The following SOX5 variants were observed in gnomAD, a reference collection of about 807,000 sequenced individuals.
The protein encoded by SOX5 is transcription factor SOX-5.
Under a neutral mutation model 92.0 loss-of-function variants are expected in SOX5, and 9 were observed. The ratio of observed to expected loss-of-function variants is 0.10; its 90% confidence interval spans 0.06 to 0.17. SOX5 has a LOEUF of 0.17. Among genes scored for constraint, SOX5 ranks in the 10% least tolerant of loss-of-function variants. SOX5 has a pLI of 1.00. For synonymous variants in SOX5, 344 were observed against 336.3 expected (o/e 1.02, Z -0.25); for missense variants, 642 against 944.5 (o/e 0.68, Z 4.20).
chr12:23,928,896 C>A (rs1940722428), intron 1 of SOX5, among the ~76,000 whole-genome samples: 1 of 151,774 alleles, frequency 6.6e-6, no homozygotes, highest in Non-Finnish European at 1.5e-5. Flanking sequence ...TTTTTATTAT[C>A]CACTACTATG....
At chr12:24,366,706 C>A (rs1158211188) in intron 2 of SOX5, among the ~76,000 whole-genome samples, 2 of 151,994 alleles carry the variant, frequency 1.3e-5, no homozygotes, top group Admixed American at 6.5e-5. Flanking sequence ...TTGACCTTTC[C>A]TATCTAGTGT....
intron 6 of SOX5, among the ~76,000 whole-genome samples, chr12:23,711,193 T>A (rs1450789685): frequency 6.6e-6 from 1 of 152,226 alleles, no homozygotes; most frequent in East Asian, 1.9e-4. Context: ...CATATTAGTT[T>A]GTCACTTTAA....
chr12:23,787,746 C>T (rs1169086966), intron 3 of SOX5, among the ~76,000 whole-genome samples: 1 of 151,834 alleles, frequency 6.6e-6, no homozygotes, highest in Non-Finnish European at 1.5e-5. Flanking sequence ...GAGACTTCAA[C>T]TTAGTATAGG....
intron 1 of SOX5, among the ~76,000 whole-genome samples, chr12:24,519,039 TC>T (rs1348525723): frequency 6.6e-6 from 1 of 152,106 alleles, no homozygotes; most frequent in Non-Finnish European, 1.5e-5. Flanking sequence ...TTAAAAAAAA[TC>T]TTTATTTTGG....
Position 23,541,963 on chromosome 12 carries a change from A to G in SOX5, c.1771+1248T>C, listed in dbSNP as rs148119107. On this transcript the variant is annotated intron_variant, in intron 13 of 14. Transcript: ENST00000451604. ...CTCTCTCTGCGAAAATACAAAAGTT[A>G]GTTGGGCATGGTGTCCCGCGCCTGT... Among the ~76,000 whole-genome samples the G allele has an allele frequency of 4.3e-3, 652 of 152,246 alleles. 2 individuals carry two copies. The highest frequency in any genetic ancestry group is 0.015 in the African/African-American group (621 of 41,556).
chr12:24,169,801 C>T (rs895106665), intron 4 of SOX5, among the ~76,000 whole-genome samples: 3 of 152,156 alleles, frequency 2.0e-5, no homozygotes, highest in East Asian at 1.9e-4. Context: ...TGTTTATAAA[C>T]TTTGTTTCAC....
chr12:23,784,429 C>T (rs2095341082), intron 3 of SOX5, among the ~76,000 whole-genome samples: 1 of 152,154 alleles, frequency 6.6e-6, no homozygotes, highest in Non-Finnish European at 1.5e-5. Flanking sequence ...CGGGTTCACG[C>T]CATTTTCCCG....
intron 3 of SOX5, among the ~76,000 whole-genome samples, chr12:23,776,306 G>A (rs528700133): frequency 6.6e-6 from 1 of 152,208 alleles, no homozygotes; most frequent in South Asian, 2.1e-4. Flanking sequence ...TATTGCTATA[G>A]GAATGTAGAA....
upstream of SOX5, chr12:23,949,754 C>A: frequency 1.3e-6 from 1 of 794,800 alleles, no homozygotes; most frequent in East Asian, 3.5e-5. Flanking sequence ...CTCTCTCTCC[C>A]TCTCTCTCTC....
chr12:23,895,932 C>A lies in SOX5; in HGVS notation c.131G>T (p.Ser44Ile). ...AAGGTGAAAGGCTGGGAGCCCGTCA[C>A]TCTCCTCTTCTTCCACTTTCTGTCT... ...TSRQKVEEEE[S>I]DGLPAFHLPL... The change falls in exon 2 of 15, where the codon AGT becomes ATT. Residue 44 changes from serine (S) to isoleucine (I), a missense_variant. By Grantham distance (142) the Ser-to-Ile change is moderately radical (BLOSUM62 -2). Around this residue, in one of 8 missense-constraint regions of SOX5, gnomAD observed 113 missense variants for 117.7 expected, o/e 0.96. Transcript: ENST00000451604. The A allele has an allele frequency of 6.2e-7, 1 of 1,614,138 alleles. No individual in the cohort carries two copies. Among genetic ancestry groups the A allele is most frequent in the Non-Finnish European group, 8.5e-7 (1 of 1,179,964 alleles).
chr12:23,724,019 A>G (rs1318538319), intron 6 of SOX5, among the ~76,000 whole-genome samples: 1 of 152,196 alleles, frequency 6.6e-6, no homozygotes, highest in Non-Finnish European at 1.5e-5. Flanking sequence ...TGATTTATAA[A>G]TATTTATTTT....
At chr12:24,064,514 T>C (rs1242588503) in intron 4 of SOX5, among the ~76,000 whole-genome samples, 1 of 152,200 alleles carries the variant, frequency 6.6e-6, no homozygotes, top group Admixed American at 6.5e-5. Flanking sequence ...AAATATAATA[T>C]GCAGAACAAT....
chr12:23,578,096 C>A (rs12815543), intron 9 of SOX5, among the ~76,000 whole-genome samples: 10,975 of 103,664 alleles, frequency 0.11, 649 homozygotes, highest in Admixed American at 0.22. Context: ...CTCCAGCCTG[C>A]GCAACAGAGT....
chr12:24,034,593 G>A (rs1385286132), intron 4 of SOX5, among the ~76,000 whole-genome samples: 1 of 145,872 alleles, frequency 6.9e-6, no homozygotes, highest in Admixed American at 6.8e-5. Context: ...TTTTTAAGGT[G>A]TAAGCAAATA....
At chr12:23,760,390 T>TAA (rs762272997) in intron 3 of SOX5, among the ~76,000 whole-genome samples, 11 of 152,046 alleles carry the variant, frequency 7.2e-5, no homozygotes, top group Non-Finnish European at 1.2e-4. Flanking sequence ...AAAAAGAACA[T>TAA]AAAGTTAGGA....
chr12:24,406,748 A>G (rs10842341), intron 1 of SOX5, among the ~76,000 whole-genome samples: 50,455 of 152,052 alleles, frequency 0.33, 8,814 homozygotes, highest in African/African-American at 0.41. Flanking sequence ...AAATCTAAGA[A>G]TGAACTTGTG....
intron 9 of SOX5, among the ~76,000 whole-genome samples, chr12:23,591,782 CTATT>C (rs1392050402): frequency 6.6e-6 from 1 of 152,092 alleles, no homozygotes; most frequent in African/African-American, 2.4e-5. Context: ...AAATCTGTAC[CTATT>C]TAAAGACATT....
chr12:23,771,099 A>G (rs1371655797), intron 3 of SOX5, among the ~76,000 whole-genome samples: 1 of 151,564 alleles, frequency 6.6e-6, no homozygotes, highest in Admixed American at 6.6e-5. Context: ...TATTCTAATC[A>G]GGGACTACCA....
chr12:23,687,854 G>A (rs1313657063), intron 6 of SOX5, among the ~76,000 whole-genome samples: 1 of 148,536 alleles, frequency 6.7e-6, no homozygotes, highest in Non-Finnish European at 1.5e-5. Flanking sequence ...GAATCAGTGT[G>A]TTATTGGGTA....
Sources: allele counts gnomAD v4.1 joint callset (sites outside exome capture counted in the v4.1 genomes callset), GRCh38; gene constraint gnomAD v4.1.1; regional missense constraint gnomAD v4.1.1; transcripts MANE v1.5; gene names NCBI Gene and HGNC (gene_info 2026-07-23, HGNC 2026-07-21).